The following EXD3 variants were observed in gnomAD, a reference collection of about 807,000 sequenced individuals.
EXD3 encodes the protein exonuclease 3'-5' domain containing 3.
A neutral mutation model predicts 98.0 loss-of-function variants in EXD3; 92 were observed. The observed-to-expected ratio is 0.94, with a 90% confidence interval of 0.79 to 1.12. The LOEUF is 1.12. Ranked by LOEUF, EXD3 falls within the 50% of genes most tolerant of loss-of-function variation. The pLI, the probability that EXD3 is intolerant of heterozygous loss-of-function variation, is 0.00. For missense variants in EXD3, 1,222 were observed against 1,191.6 expected (o/e 1.03, Z -0.38); for synonymous variants, 569 against 526.0 (o/e 1.08, Z -1.12).
chr9:137,385,163 G>A lies in EXD3; in HGVS notation c.56-1786C>T, dbSNP rs1221528577. Among the ~76,000 whole-genome samples, 1 of 152,224 alleles carries A rather than the reference G, an allele frequency of 6.6e-6. No homozygotes were observed. The highest frequency in any genetic ancestry group is 1.5e-5 in the Non-Finnish European group (1 of 68,042). Reference sequence around the variant, plus strand: ...CACCATGGCGTCTCTGCAGCCACCTGGGCCTGGGTGGCACAGGCCAGTGTT... The same window carrying A: ...CACCATGGCGTCTCTGCAGCCACCTAGGCCTGGGTGGCACAGGCCAGTGTT... On this transcript the variant is annotated intron_variant, in intron 2 of 21. Transcript: ENST00000340951. The surrounding 1 kb of genome is among the most constrained non-coding windows in gnomAD (Gnocchi z 4.4).
intron 17 of EXD3, among the ~76,000 whole-genome samples, chr9:137,328,607 C>T (rs1157329567): frequency 2.2e-5 from 2 of 91,592 alleles, no homozygotes; most frequent in African/African-American, 1.4e-4. Context: ...CGGGACTACA[C>T]GGGGCTACAC....
At chr9:137,338,686 A>T (rs953881650) in intron 17 of EXD3, among the ~76,000 whole-genome samples, 4 of 150,796 alleles carry the variant, frequency 2.7e-5, no homozygotes, top group African/African-American at 9.7e-5. Context: ...GGAGATCGAG[A>T]CCATCCTGGC....
At chr9:137,421,768 T>G (rs980926826) in intron 1 of EXD3, among the ~76,000 whole-genome samples, 7 of 151,964 alleles carry the variant, frequency 4.6e-5, no homozygotes, top group African/African-American at 1.7e-4. Context: ...AGCCCAAGAG[T>G]TCAAGGCTGC....
rs368532872 is a variant in EXD3, at chr9:137,323,820, C to A, written c.2089G>T (p.Val697Phe). Reference protein sequence around the residue: ...AQVGAGRCLSVDCSLKAQQQA... With the variant: ...AQVGAGRCLSFDCSLKAQQQA... ...TGCTGGGCCTTCAGGGAGCAGTCGA[C>A]CGAGAGGCAGCGCCCAGCCCCGACC... is the stretch of plus-strand genomic sequence containing the variant. Residue 697 changes from valine to phenylalanine, a missense_variant, in exon 19 of 22, where the codon GTC becomes TTC. Val to Phe is a conservative substitution (Grantham distance 50, BLOSUM62 -1). Coordinates refer to ENST00000340951, the MANE Select transcript of EXD3 (RefSeq NM_017820.5). 3.7e-6 allele frequency: 6 copies of A among 1,612,060 alleles called. 1 individual carries two copies. In the South Asian group the frequency reaches 4.4e-5, roughly 12 times the overall value.
Position 137,385,066 on chromosome 9 carries a change from T to C in EXD3, c.56-1689A>G, listed in dbSNP as rs1235340000. Among the ~76,000 whole-genome samples, 1 of 152,166 alleles carries C rather than the reference T, an allele frequency of 6.6e-6. No homozygotes were observed. Among genetic ancestry groups the C allele is most frequent in the Non-Finnish European group, 1.5e-5 (1 of 68,026 alleles). On this transcript the variant is annotated intron_variant, in intron 2 of 21. Transcript: ENST00000340951. The surrounding 1 kb of genome is among the most constrained non-coding windows in gnomAD (Gnocchi z 4.4). The stretch of plus-strand genomic sequence containing the variant: ...GAGATCGGGCCACTGCACTCCAGCC[T>C]GGGCAACAGAGCGAGACTCCGTCTC...
At chr9:137,362,881 G>T (rs975337007) in intron 7 of EXD3, among the ~76,000 whole-genome samples, 1 of 152,092 alleles carries the variant, frequency 6.6e-6, no homozygotes, top group African/African-American at 2.4e-5. Flanking sequence ...CGCAATCTCG[G>T]CTCACTGCAA....
intron 17 of EXD3, among the ~76,000 whole-genome samples, chr9:137,335,966 G>C (rs1269623242): frequency 6.6e-6 from 1 of 152,038 alleles, no homozygotes; most frequent in East Asian, 1.9e-4. Context: ...CCGTAAAAAA[G>C]AACAAAATAA....
chr9:137,353,743 G>T (rs916903229), intron 10 of EXD3: 5 of 985,680 alleles, frequency 5.1e-6, no homozygotes, highest in Non-Finnish European at 6.0e-6. Context: ...GTCCAGGATG[G>T]CCTTGAGTGT....
At position 137,328,274 on chromosome 9, in the gene EXD3, C is replaced by T. The variant is rs940392191; in HGVS notation, c.1999-4131G>A. Reference sequence around the variant, plus strand: ...TGAGTAAAAACAACAAATAAACACCCACATGATGAGTAAAAACAACGAATA... The same window carrying T: ...TGAGTAAAAACAACAAATAAACACCTACATGATGAGTAAAAACAACGAATA... On this transcript the variant is annotated intron_variant, in intron 17 of 21. Transcript: ENST00000340951. Among the ~76,000 whole-genome samples, 544 of 57,960 alleles carry T rather than the reference C, an allele frequency of 9.4e-3. 73 individuals carry two copies. Among genetic ancestry groups the T allele is most frequent in the African/African-American group, 0.024 (354 of 14,576 alleles). 38.0% of individuals were successfully genotyped at this position (57,960 alleles called of 152,430 possible). A position where few individuals can be genotyped will look rare whatever the true frequency, so the allele number is the denominator to read the frequency against.
At chr9:137,321,224 G>A (rs916267690) in intron 19 of EXD3, among the ~76,000 whole-genome samples, 28 of 152,228 alleles carry the variant, frequency 1.8e-4, no homozygotes, top group African/African-American at 6.5e-4. Flanking sequence ...AGCAGAAGGC[G>A]CAGGCCTGCA....
intron 1 of EXD3, among the ~76,000 whole-genome samples, chr9:137,404,212 C>A (rs2131802693): frequency 6.6e-6 from 1 of 152,338 alleles, no homozygotes; most frequent in East Asian, 1.9e-4. Flanking sequence ...TGACATGGCG[C>A]CTAGGGCTTC....
chr9:137,375,938 C>T (rs1405083353), intron 3 of EXD3, among the ~76,000 whole-genome samples: 2 of 152,124 alleles, frequency 1.3e-5, no homozygotes, highest in South Asian at 2.1e-4. Flanking sequence ...AACGGGACAT[C>T]GATTTGGGAA....
intron 19 of EXD3, 80 bp downstream of exon 19, chr9:137,323,645 G>A (rs886593693): frequency 6.4e-7 from 1 of 1,558,774 alleles, no homozygotes. Flanking sequence ...ACTGTCTAGG[G>A]TGGGGCCCAC....
chr9:137,368,899 C>CCCAGGGCTGTGGGCAGGGGCG (rs2131666914), intron 5 of EXD3, among the ~76,000 whole-genome samples: 1 of 137,592 alleles, frequency 7.3e-6, no homozygotes, highest in African/African-American at 2.7e-5. Flanking sequence ...GGGGCGGGGC[C>CCCAGGGCTGTGGGCAGGGGCG]CCAGGGCTGT....
intron 17 of EXD3, among the ~76,000 whole-genome samples, chr9:137,329,586 A>AG (rs1370188856): frequency 2.1e-3 from 5 of 2,386 alleles, no homozygotes; most frequent in Admixed American, 9.8e-3. Flanking sequence ...GCTACACGGG[A>AG]CTACACGGGA....
At chr9:137,379,336 G>GAGAGGTGAAGT (rs1836098362) in intron 3 of EXD3, among the ~76,000 whole-genome samples, 1 of 109,648 alleles carries the variant, frequency 9.1e-6, no homozygotes, top group Non-Finnish European at 1.7e-5. Context: ...GTCTGTGTGA[G>GAGAGGTGAAGT]GGGTACAGGG....
chr9:137,373,650 C>A, intron 3 of EXD3, 51 bp from the exon 4 acceptor site: 1 of 1,521,634 alleles, frequency 6.6e-7, no homozygotes, highest in East Asian at 2.4e-5. Context: ...TCAAAGCCTC[C>A]TGGCAAGGCC....
intron 8 of EXD3, 73 bp from the exon 9 acceptor site, chr9:137,354,846 G>A: frequency 1.4e-6 from 2 of 1,439,962 alleles, no homozygotes; most frequent in Non-Finnish European, 1.9e-6. Context: ...GGGCGGGCTG[G>A]AGACGGGCAG....
At chr9:137,318,696 T>C (rs1413453169) in intron 19 of EXD3, among the ~76,000 whole-genome samples, 2 of 150,936 alleles carry the variant, frequency 1.3e-5, no homozygotes, top group Admixed American at 1.3e-4. Flanking sequence ...GGTGGGCCGG[T>C]GGGCCATCCT....
Sources: allele counts gnomAD v4.1 joint callset (sites outside exome capture counted in the v4.1 genomes callset), GRCh38; gene constraint gnomAD v4.1.1; non-coding constraint Gnocchi (gnomAD v3.1); transcripts MANE v1.5; gene names NCBI Gene and HGNC (gene_info 2026-07-23, HGNC 2026-07-21).